Variants in ATXN8OS observed in about 807,000 individuals in gnomAD.
ATXN8OS encodes ATXN8 opposite strand (non-protein coding).
intron 4 of ATXN8OS, among the ~76,000 whole-genome samples, chr13:70,164,715 T>A (rs1469194344): frequency 6.6e-6 from 1 of 152,052 alleles, no homozygotes; most frequent in African/African-American, 2.4e-5. Context: ...AATGAAAAAT[T>A]GGCAAGACAT....
In ATXN8OS at chr13:70,149,220, G is replaced by A. The variant is rs188443383; in HGVS notation, n.573+1792G>A. Among the ~76,000 whole-genome samples the A allele has an allele frequency of 3.9e-5, 6 of 152,124 alleles. No homozygotes were observed. In the East Asian group the frequency reaches 1.2e-3, roughly 29 times the overall value. On this transcript the variant is annotated intron_variant and non_coding_transcript_variant, in intron 4 of 4. Coordinates refer to ENST00000678624, the Ensembl canonical transcript of ATXN8OS. The stretch of plus-strand genomic sequence containing the variant: ...GAACGAGAACGACTCATGTTTAAGT[G>A]TTAGATGTAAGTCATTTCATAATTA...
Position 70,109,235 on chromosome 13 carries a change from G to C in ATXN8OS, n.240+1216G>C, listed in dbSNP as rs899157660. 5.9e-5 allele frequency among the ~76,000 whole-genome samples: 9 copies of C among 152,306 alleles called. No homozygotes were observed. In the East Asian group the frequency reaches 1.7e-3, roughly 29 times the overall value. On this transcript the variant is annotated intron_variant and non_coding_transcript_variant, in intron 1 of 4. Transcript: ENST00000678624. ...CTTATATCTATACTTAGAATGGTGA[G>C]GATTGCGATCACTTTCAGTACATGA...
At chr13:70,134,025 G>T (rs1888571270) in intron 3 of ATXN8OS, among the ~76,000 whole-genome samples, 1 of 152,090 alleles carries the variant, frequency 6.6e-6, no homozygotes, top group Admixed American at 6.6e-5. Flanking sequence ...AAAAATATCG[G>T]GTTGTTGTGT....
intron 3 of ATXN8OS, among the ~76,000 whole-genome samples, chr13:70,142,257 A>C (rs1425032951): frequency 6.6e-6 from 1 of 152,220 alleles, no homozygotes; most frequent in Non-Finnish European, 1.5e-5. Context: ...AATCTGAATA[A>C]AACTTTGTGA....
Position 70,146,079 on chromosome 13 carries a change from C to A in ATXN8OS, n.500-1276C>A, listed in dbSNP as rs1240813587. Among the ~76,000 whole-genome samples, 17 of 102,550 alleles carry A rather than the reference C, an allele frequency of 1.7e-4. 1 individual carries two copies. The highest frequency in any genetic ancestry group is 2.3e-4 in the Non-Finnish European group (11 of 47,298). The allele number at this position is 102,550 out of a possible 152,430, so 67.3% of individuals were successfully genotyped here. A position where few individuals can be genotyped will look rare whatever the true frequency, so the allele number is the denominator to read the frequency against. On this transcript the variant is annotated intron_variant and non_coding_transcript_variant, in intron 3 of 4. Transcript: ENST00000678624. The stretch of plus-strand genomic sequence containing the variant: ...ACAAATTTACAAGAAAAAAAAAAAA[C>A]AACCCCATCAAAAAGTGGGCAAAGG...
At chr13:70,144,401 G>A (rs1888754934) in intron 3 of ATXN8OS, among the ~76,000 whole-genome samples, 1 of 151,968 alleles carries the variant, frequency 6.6e-6, no homozygotes, top group Non-Finnish European at 1.5e-5. Context: ...TAGTAACCTA[G>A]TTGAGTAATT....
At chr13:70,167,777 C>T (rs1889095916) in intron 4 of ATXN8OS, among the ~76,000 whole-genome samples, 1 of 115,538 alleles carries the variant, frequency 8.7e-6, no homozygotes. Flanking sequence ...GCTCTGTTGC[C>T]CAGGCTGGAG....
intron 3 of ATXN8OS, among the ~76,000 whole-genome samples, chr13:70,144,884 C>T (rs1888761627): frequency 1.3e-5 from 2 of 152,032 alleles, no homozygotes; most frequent in East Asian, 1.9e-4. Flanking sequence ...ATAGTATTGC[C>T]TTGTTTTTGG....
At chr13:70,152,621 CT>C (rs1345937970) in intron 4 of ATXN8OS, among the ~76,000 whole-genome samples, 2 of 151,968 alleles carry the variant, frequency 1.3e-5, no homozygotes, top group Admixed American at 1.3e-4. Context: ...AGTGTAGCAC[CT>C]GGCATGTAGG....
At chr13:70,146,713 A>G (rs1283519211) in intron 3 of ATXN8OS, among the ~76,000 whole-genome samples, 1 of 147,626 alleles carries the variant, frequency 6.8e-6, no homozygotes, top group Non-Finnish European at 1.5e-5. Flanking sequence ...GAATTGAACA[A>G]TGAGAACACA....
chr13:70,108,876 T>A (rs1258246387), intron 1 of ATXN8OS, among the ~76,000 whole-genome samples: 1 of 152,210 alleles, frequency 6.6e-6, no homozygotes, highest in Admixed American at 6.5e-5. Flanking sequence ...GATGCCACCA[T>A]CCTGACACTT....
chr13:70,125,811 T>A (rs1430624804), intron 2 of ATXN8OS, among the ~76,000 whole-genome samples: 1 of 152,174 alleles, frequency 6.6e-6, no homozygotes, highest in Non-Finnish European at 1.5e-5. Flanking sequence ...TGTGCTGGCT[T>A]CTGAATGTCA....
intron 3 of ATXN8OS, among the ~76,000 whole-genome samples, chr13:70,135,414 T>G (rs1465692078): frequency 6.6e-6 from 1 of 151,074 alleles, no homozygotes; most frequent in Non-Finnish European, 1.5e-5. Flanking sequence ...ACTTAATGGC[T>G]CTCTCTCTCT....
At chr13:70,124,902 T>C (rs1443135561) in intron 2 of ATXN8OS, among the ~76,000 whole-genome samples, 3 of 150,668 alleles carry the variant, frequency 2.0e-5, no homozygotes, top group Non-Finnish European at 4.4e-5. Context: ...CTCTTTCATT[T>C]AATGTTATTC....
At chr13:70,118,064 G>C (rs1593757159) in intron 2 of ATXN8OS, among the ~76,000 whole-genome samples, 2 of 152,018 alleles carry the variant, frequency 1.3e-5, no homozygotes, top group South Asian at 4.2e-4. Flanking sequence ...TTTTGTTCTA[G>C]GAATAGTCAG....
chr13:70,124,671 T>C (rs1006143299), intron 2 of ATXN8OS, among the ~76,000 whole-genome samples: 1 of 152,074 alleles, frequency 6.6e-6, no homozygotes, highest in African/African-American at 2.4e-5. Flanking sequence ...TGTTTTTTGT[T>C]TGTTTGGTTG....
At chr13:70,169,657 T>A (rs1889121742) in intron 4 of ATXN8OS, among the ~76,000 whole-genome samples, 1 of 151,996 alleles carries the variant, frequency 6.6e-6, no homozygotes, top group African/African-American at 2.4e-5. Flanking sequence ...TAAAGCTCTC[T>A]TTGAGGGGCA....
exon 1 of ATXN8OS, chr13:70,108,003 C>A: frequency 2.2e-6 from 1 of 445,444 alleles, no homozygotes; most frequent in Non-Finnish European, 3.9e-6. Flanking sequence ...CGCGCGAGAG[C>A]CCCGTGTTAT....
chr13:70,124,851 T>C (rs186065431), intron 2 of ATXN8OS, among the ~76,000 whole-genome samples: 1 of 152,216 alleles, frequency 6.6e-6, no homozygotes, highest in African/African-American at 2.4e-5. Flanking sequence ...GCCAATCTTC[T>C]ATTTAATTAC....
Sources: allele counts gnomAD v4.1 joint callset (sites outside exome capture counted in the v4.1 genomes callset), GRCh38; gene constraint gnomAD v4.1.1; transcripts MANE v1.5; gene names NCBI Gene and HGNC (gene_info 2026-07-23, HGNC 2026-07-21).